AOPEP: variants seen among roughly 807,000 people sequenced by gnomAD.
AOPEP encodes aminopeptidase O.
AOPEP carries 77 observed loss-of-function variants against 98.1 expected under a neutral mutation model. The ratio of observed to expected loss-of-function variants is 0.78; its 90% confidence interval spans 0.65 to 0.95. The LOEUF is 0.95. Among genes scored for constraint, AOPEP ranks in the 40% least tolerant of loss-of-function variants. The probability of loss-of-function intolerance (pLI) is 0.00; values close to 1 mark genes in which losing one functional copy is unlikely to be tolerated. For synonymous variants in AOPEP, 346 were observed against 365.3 expected (o/e 0.95, Z 0.60); for missense variants, 1,024 against 1,024.7 (o/e 1.00, Z 0.01).
chr9:94,931,753 G>A, intron 7 of AOPEP: 1 of 1,550,540 alleles, frequency 6.4e-7, no homozygotes, highest in South Asian at 1.2e-5. Context: ...AGCTTCTCTT[G>A]AGATCTTTGC....
the AOPEP span, among the ~76,000 whole-genome samples, chr9:95,096,159 G>C: frequency 6.6e-6 from 1 of 152,142 alleles, no homozygotes; most frequent in South Asian, 2.1e-4. Context: ...AGCTTATTCT[G>C]TAACAGTTTT....
At chr9:94,960,014 G>C (rs113170276) in intron 9 of AOPEP, among the ~76,000 whole-genome samples, 2,248 of 152,168 alleles carry the variant, frequency 0.015, 17 homozygotes, top group Middle Eastern at 0.099. Context: ...AATTTTTTAT[G>C]GTTAAGAAAC....
intron 9 of AOPEP, among the ~76,000 whole-genome samples, chr9:94,959,543 G>A (rs2058683141): frequency 6.6e-6 from 1 of 151,830 alleles, no homozygotes; most frequent in African/African-American, 2.4e-5. Flanking sequence ...TTCTATTCTT[G>A]TGCTAGTATC....
chr9:94,751,685 A>G (rs529292934), intron 1 of AOPEP, among the ~76,000 whole-genome samples: 1 of 151,764 alleles, frequency 6.6e-6, no homozygotes, highest in East Asian at 1.9e-4. Context: ...AATAAAAGGT[A>G]ATCTATAGCT....
intron 10 of AOPEP, among the ~76,000 whole-genome samples, chr9:94,969,693 C>T (rs573286270): frequency 2.0e-5 from 3 of 152,340 alleles, no homozygotes; most frequent in African/African-American, 7.2e-5. Context: ...AGGCGTGGGC[C>T]ACTGCGCCTG....
At chr9:94,783,644 C>A (rs549129068) in intron 3 of AOPEP, among the ~76,000 whole-genome samples, 150 of 152,172 alleles carry the variant, frequency 9.9e-4, no homozygotes, top group South Asian at 1.7e-3. Context: ...ATGGGGAGCT[C>A]TCTCTCCTTT....
chr9:94,739,065 C>T (rs1450356097), intron 1 of AOPEP, among the ~76,000 whole-genome samples: 4 of 152,180 alleles, frequency 2.6e-5, no homozygotes, highest in Non-Finnish European at 5.9e-5. Flanking sequence ...ACCAAAACTA[C>T]GTCTCAAGTC....
chr9:95,043,839 A>G (rs1454436453), intron 13 of AOPEP, among the ~76,000 whole-genome samples: 3 of 152,102 alleles, frequency 2.0e-5, no homozygotes, highest in Non-Finnish European at 4.4e-5. Context: ...TAATTTTTGT[A>G]TGTTTTGTAG....
At chr9:94,796,728 A>T (rs1410524911) in intron 4 of AOPEP, among the ~76,000 whole-genome samples, 2 of 152,208 alleles carry the variant, frequency 1.3e-5, no homozygotes, top group Admixed American at 1.3e-4. Flanking sequence ...CTCCACTTTC[A>T]CACATGCTCC....
chr9:95,147,110 T>C, the AOPEP span, among the ~76,000 whole-genome samples: 3 of 151,876 alleles, frequency 2.0e-5, no homozygotes, highest in African/African-American at 7.2e-5. Context: ...CAATATTCTA[T>C]TTGAAAAGTA....
intron 11 of AOPEP, among the ~76,000 whole-genome samples, chr9:94,988,721 A>C (rs928263090): frequency 2.6e-5 from 4 of 152,100 alleles, no homozygotes; most frequent in African/African-American, 9.7e-5. Context: ...TGCAGGCTTG[A>C]GTTGAAGGCG....
At chr9:94,931,921 A>G in intron 7 of AOPEP, 1 of 1,139,226 alleles carries the variant, frequency 8.8e-7, no homozygotes. Context: ...AACAGTCTCC[A>G]CTTCAATAGC....
chr9:94,970,070 A>G (rs1009008629), intron 10 of AOPEP, among the ~76,000 whole-genome samples: 2 of 152,170 alleles, frequency 1.3e-5, no homozygotes, highest in African/African-American at 2.4e-5. Flanking sequence ...TGTTCTAAGC[A>G]TTGGGTTTTT....
chr9:94,772,701 G>A (rs1841160769), intron 2 of AOPEP, among the ~76,000 whole-genome samples: 1 of 152,168 alleles, frequency 6.6e-6, no homozygotes, highest in Admixed American at 6.5e-5. Context: ...AGGGGAGGGG[G>A]CAAGGGTAAT....
chr9:94,958,779 C>T lies in AOPEP; in HGVS notation c.1872+2764C>T, dbSNP rs559170153. On this transcript the variant is annotated intron_variant, in intron 9 of 16. Coordinates refer to ENST00000375315, the MANE Select transcript of AOPEP (RefSeq NM_001193329.3). ...GACTACTTTATTTGGATATAAGTCC[C>T]TTATCAGAGATATGATTTTCAAATA... Among the ~76,000 whole-genome samples, 6 of 152,232 alleles carry T rather than the reference C, an allele frequency of 3.9e-5. 1 individual carries two copies. The South Asian group carries it at 1.2e-3, about 32-fold the overall frequency.
intron 6 of AOPEP, among the ~76,000 whole-genome samples, chr9:94,927,960 T>C (rs555932023): frequency 1.1e-4 from 16 of 152,312 alleles, no homozygotes; most frequent in African/African-American, 3.6e-4. Context: ...CTTCTAGTTA[T>C]GTGCACACAG....
chr9:94,968,596 C>T (rs562131182), intron 10 of AOPEP, among the ~76,000 whole-genome samples: 27 of 152,114 alleles, frequency 1.8e-4, no homozygotes, highest in Middle Eastern at 3.4e-3. Flanking sequence ...AGGCTGGTCT[C>T]AAACTCCTGA....
the AOPEP span, among the ~76,000 whole-genome samples, chr9:95,134,009 C>T: frequency 6.6e-6 from 1 of 152,164 alleles, no homozygotes; most frequent in Non-Finnish European, 1.5e-5. Flanking sequence ...TCTGTTTGGG[C>T]TCTCTCAGTC....
chr9:94,881,188 A>AT (rs1443507423), intron 5 of AOPEP, among the ~76,000 whole-genome samples: 1 of 151,902 alleles, frequency 6.6e-6, no homozygotes, highest in East Asian at 1.9e-4. Context: ...AATTAAGTTC[A>AT]TTCCCTAAAA....
Sources: allele counts gnomAD v4.1 joint callset (sites outside exome capture counted in the v4.1 genomes callset), GRCh38; gene constraint gnomAD v4.1.1; transcripts MANE v1.5; gene names NCBI Gene and HGNC (gene_info 2026-07-23, HGNC 2026-07-21).